GLIS3: variants seen among roughly 807,000 people sequenced by gnomAD.
GLIS3 encodes zinc finger protein GLIS3.
A neutral mutation model predicts 78.6 loss-of-function variants in GLIS3; 53 were observed. The ratio of observed to expected loss-of-function variants is 0.67; its 90% confidence interval spans 0.54 to 0.85. The LOEUF is 0.85. GLIS3 is among the 40% of genes least tolerant of loss of function. The pLI, the probability that GLIS3 is intolerant of heterozygous loss-of-function variation, is 0.00. For missense variants in GLIS3, 1,703 were observed against 1,231.1 expected, an observed-to-expected ratio of 1.38 and a Z score of -5.74; for synonymous variants, 684 against 509.9, an observed-to-expected ratio of 1.34 and a Z score of -4.60.
chr9:3,914,990 TATGTCTTAGAGCAATGC>T (rs6150897), intron 6 of GLIS3, among the ~76,000 whole-genome samples: 151,253 of 151,880 alleles, frequency 1, 75,318 homozygotes, highest in Middle Eastern at 1. Flanking sequence ...CTGAGCACTG[TATGTCTTAGAGCAATGC>T]ATGTCTTAGA....
chr9:4,066,051 A>AAG (rs1827071615), intron 4 of GLIS3, among the ~76,000 whole-genome samples: 3 of 151,756 alleles, frequency 2.0e-5, no homozygotes, highest in African/African-American at 7.3e-5. Context: ...AAAAAAAAAA[A>AAG]AAAGAAACAG....
chr9:4,273,590 C>CATAAATAAATAA (rs60374376), intron 2 of GLIS3, among the ~76,000 whole-genome samples: 2,825 of 144,044 alleles, frequency 0.02, 53 homozygotes, highest in African/African-American at 0.042. Context: ...AAGACCTTAT[C>CATAAATAAATAA]ATAAATAAAT....
In GLIS3 at chr9:4,118,493, C is replaced by T; in HGVS notation, c.985G>A (p.Ala329Thr). The change falls in exon 4 of 11, where the codon GCC (alanine) becomes ACC (threonine). Residue 329 changes from alanine to threonine, a missense_variant. By Grantham distance (58) the Ala-to-Thr change is moderately conservative. Transcript: ENST00000381971. This position sits in a 1 kb window ranked among gnomAD's most constrained non-coding sequence, Gnocchi z 4.7. Reference sequence around the variant, plus strand: ...GAAGCCCTCGACCCGTTGATGTAGGCCACCAAGGACGTGGGCGACGTGCGG... The same window carrying T: ...GAAGCCCTCGACCCGTTGATGTAGGTCACCAAGGACGTGGGCGACGTGCGG... ...IIRTSPTSLV[A>T]YINGSRASPA... is the part of the protein sequence containing the mutation. The T allele has an allele frequency of 1.2e-6, 2 of 1,614,162 alleles. No homozygotes were observed. The highest frequency in any genetic ancestry group is 1.7e-6 in the Non-Finnish European group (2 of 1,180,028).
intron 4 of GLIS3, among the ~76,000 whole-genome samples, chr9:4,105,782 C>T (rs1423328475): frequency 6.6e-6 from 1 of 152,134 alleles, no homozygotes; most frequent in Non-Finnish European, 1.5e-5. Context: ...ACTGATTCCA[C>T]CATAAAGCCT....
Position 4,216,981 on chromosome 9 carries a change from T to G in GLIS3, c.388+69057A>C, listed in dbSNP as rs929248463. The stretch of plus-strand genomic sequence containing the variant: ...TAACAAGTGAACATTCAAAGGAGAA[T>G]GGAGCCACATTAAAGGGATTCAGCT... On this transcript the variant is annotated intron_variant, in intron 2 of 10. Transcript: ENST00000381971. Among the ~76,000 whole-genome samples the G allele has an allele frequency of 3.3e-5, 5 of 152,336 alleles. No homozygotes were observed. In the East Asian group the frequency reaches 9.6e-4, roughly 29 times the overall value.
At chr9:4,478,302 G>T in the GLIS3 span, among the ~76,000 whole-genome samples, 1 of 152,118 alleles carries the variant, frequency 6.6e-6, no homozygotes, top group Non-Finnish European at 1.5e-5. Context: ...CCATGTGTTT[G>T]TACTAATACT....
At chr9:4,298,804 C>T (rs1816844738) in intron 1 of GLIS3, among the ~76,000 whole-genome samples, 1 of 152,148 alleles carries the variant, frequency 6.6e-6, no homozygotes, top group Non-Finnish European at 1.5e-5. Context: ...GGGCCGGTAC[C>T]CGCGAGGAGT....
intron 4 of GLIS3, among the ~76,000 whole-genome samples, chr9:4,078,894 C>T (rs1043044903): frequency 5.3e-5 from 8 of 152,090 alleles, no homozygotes; most frequent in Non-Finnish European, 1.2e-4. Flanking sequence ...GAAATGCCTC[C>T]CCTCTGTCCC....
At chr9:4,100,197 C>A (rs1303458399) in intron 4 of GLIS3, among the ~76,000 whole-genome samples, 5 of 152,128 alleles carry the variant, frequency 3.3e-5, no homozygotes, top group African/African-American at 1.2e-4. Flanking sequence ...GTGTAGTATG[C>A]GGGTACTAGG....
chr9:4,337,152 G>C (rs1238001734), intron 2 of GLIS3, among the ~76,000 whole-genome samples: 1 of 152,144 alleles, frequency 6.6e-6, no homozygotes, highest in African/African-American at 2.4e-5. Flanking sequence ...AAAGTAATTT[G>C]GCAACACATA....
intron 4 of GLIS3, among the ~76,000 whole-genome samples, chr9:3,942,418 G>C (rs796387476): frequency 1.4e-4 from 21 of 152,236 alleles, no homozygotes; most frequent in Middle Eastern, 3.4e-3. Context: ...GAGAAGAAAG[G>C]CATGGGCGGG....
chr9:4,082,133 C>A (rs1296835790), intron 4 of GLIS3, among the ~76,000 whole-genome samples: 2 of 152,178 alleles, frequency 1.3e-5, no homozygotes, highest in Non-Finnish European at 2.9e-5. Flanking sequence ...CTGTGCATAT[C>A]ACAGTTGACA....
At chr9:4,147,346 G>A (rs1834304453) in intron 2 of GLIS3, 1 of 152,076 alleles carries the variant, frequency 6.6e-6, no homozygotes, top group African/African-American at 2.4e-5. Flanking sequence ...AGCATCTCAT[G>A]CTTAAATTAT....
intron 2 of GLIS3, among the ~76,000 whole-genome samples, chr9:4,207,070 T>G (rs144476500): frequency 0.013 from 1,904 of 152,288 alleles, 25 homozygotes; most frequent in Middle Eastern, 0.085. Flanking sequence ...AGAGGGCCCC[T>G]ACAAAGGCAA....
Position 3,825,419 on chromosome 9 carries a change from C to G in GLIS3, c.*2853G>C, listed in dbSNP as rs1817674604. The G allele has an allele frequency of 1.3e-5, 2 of 150,862 alleles. No individual in the cohort carries two copies. Among genetic ancestry groups the G allele is most frequent in the African/African-American group, 4.8e-5 (2 of 41,288 alleles). 9.3% of individuals were successfully genotyped at this position (150,862 alleles called of 1,614,324 possible). A position where few individuals can be genotyped will look rare whatever the true frequency, so the allele number is the denominator to read the frequency against. ...AGACAATGCAGCCAATGAAATGTCT[C>G]TAGGCAGACTGATTTTTTTTTTAAT... On this transcript the variant is annotated 3_prime_UTR_variant, in exon 11 of 11. Transcript: ENST00000381971.
At chr9:4,258,863 T>C (rs895967785) in intron 2 of GLIS3, among the ~76,000 whole-genome samples, 4 of 152,230 alleles carry the variant, frequency 2.6e-5, no homozygotes, top group Non-Finnish European at 5.9e-5. Context: ...TTCTCATTTA[T>C]CCAAGCAACC....
At chr9:3,938,920 C>A (rs1826044517) in intron 4 of GLIS3, among the ~76,000 whole-genome samples, 1 of 152,136 alleles carries the variant, frequency 6.6e-6, no homozygotes, top group Non-Finnish European at 1.5e-5. Flanking sequence ...TGCTAAGAGG[C>A]CTCTGCTGAC....
At chr9:4,340,856 T>C (rs1817824241) in intron 2 of GLIS3, among the ~76,000 whole-genome samples, 1 of 152,138 alleles carries the variant, frequency 6.6e-6, no homozygotes, top group African/African-American at 2.4e-5. Flanking sequence ...TGACCCCTCC[T>C]GGCTAATTTT....
At chr9:4,082,079 A>G (rs1294622823) in intron 4 of GLIS3, among the ~76,000 whole-genome samples, 3 of 152,234 alleles carry the variant, frequency 2.0e-5, no homozygotes, top group Admixed American at 6.5e-5. Flanking sequence ...TTTCCTCTGG[A>G]AAGATTTCTA....
Sources: allele counts gnomAD v4.1 joint callset (sites outside exome capture counted in the v4.1 genomes callset), GRCh38; gene constraint gnomAD v4.1.1; non-coding constraint Gnocchi (gnomAD v3.1); transcripts MANE v1.5; gene names NCBI Gene and HGNC (gene_info 2026-07-23, HGNC 2026-07-21).